GRIN2B: variants seen among roughly 807,000 people sequenced by gnomAD.
The protein encoded by GRIN2B is glutamate ionotropic receptor NMDA type subunit 2B.
GRIN2B carries 5 observed loss-of-function variants against 114.5 expected under a neutral mutation model. The observed-to-expected ratio is 0.04, with a 90% CI of 0.02 to 0.09. The LOEUF (loss-of-function observed/expected upper bound fraction) is 0.09. Among genes scored for constraint, GRIN2B ranks in the 10% least tolerant of loss-of-function variants. The pLI, the probability that GRIN2B is intolerant of heterozygous loss-of-function variation, is 1.00. For missense variants in GRIN2B, 1,108 were observed against 1,943.5 expected (o/e 0.57, Z 8.08); for synonymous variants, 787 against 745.1 (o/e 1.06, Z -0.92).
chr12:13,561,832 C>G lies in GRIN2B; in HGVS notation c.*951G>C, dbSNP rs886049094. 2.0e-5 allele frequency: 3 copies of G among 152,594 alleles called. No individual in the cohort carries two copies. Among genetic ancestry groups the G allele is most frequent in the Non-Finnish European group, 1.5e-5 (1 of 68,038 alleles). The allele number at this position is 152,594 out of a possible 1,614,324, so 9.5% of individuals were successfully genotyped here. On this transcript the variant is annotated 3_prime_UTR_variant, in exon 14 of 14. Coordinates refer to ENST00000609686, the MANE Select transcript of GRIN2B (RefSeq NM_000834.5). ...TGCTCACCGCCTTTTTTTGTTTAGA[C>G]CACAGAATCTTCTTTATCAAGAATT... is the stretch of plus-strand genomic sequence containing the variant.
intron 2 of GRIN2B, among the ~76,000 whole-genome samples, chr12:13,923,335 A>G (rs1442707500): frequency 6.6e-6 from 1 of 152,260 alleles, no homozygotes; most frequent in East Asian, 1.9e-4. Context: ...CTGGAAAAAA[A>G]GAAATGTATT....
intron 10 of GRIN2B, among the ~76,000 whole-genome samples, chr12:13,608,052 GCAGCCCATTCAT>G (rs973977775): frequency 6.6e-6 from 1 of 152,184 alleles, no homozygotes; most frequent in Non-Finnish European, 1.5e-5. Flanking sequence ...TAGTAAGGGG[GCAGCCCATTCAT>G]CAGCACCACA....
chr12:13,652,919 C>T (rs999193729), intron 5 of GRIN2B, among the ~76,000 whole-genome samples: 8 of 152,134 alleles, frequency 5.3e-5, no homozygotes, highest in Non-Finnish European at 7.4e-5. Context: ...AGCTCCTTAG[C>T]GGGGCTTTGA....
chr12:13,911,444 C>T (rs1866625719), intron 2 of GRIN2B, among the ~76,000 whole-genome samples: 1 of 152,148 alleles, frequency 6.6e-6, no homozygotes, highest in African/African-American at 2.4e-5. Flanking sequence ...GCTCTGAGCT[C>T]ACCACTTGGC....
intron 9 of GRIN2B, 39 bp downstream of exon 9, chr12:13,611,686 A>G: frequency 6.2e-7 from 1 of 1,607,298 alleles, no homozygotes. Context: ...AATAAGGAGA[A>G]AAAAACTGGG....
At chr12:13,697,154 G>T (rs1231981035) in intron 4 of GRIN2B, among the ~76,000 whole-genome samples, 1 of 152,080 alleles carries the variant, frequency 6.6e-6, no homozygotes, top group Non-Finnish European at 1.5e-5. Flanking sequence ...CAGCAAGTTT[G>T]CTCTAAGATG....
intron 4 of GRIN2B, among the ~76,000 whole-genome samples, chr12:13,748,133 A>G (rs973008359): frequency 1.3e-5 from 2 of 152,248 alleles, no homozygotes; most frequent in Non-Finnish European, 2.9e-5. Context: ...TTCACTAAGA[A>G]AGAAGAATTT....
At chr12:13,857,031 A>T (rs1435968885) in intron 3 of GRIN2B, among the ~76,000 whole-genome samples, 1 of 152,216 alleles carries the variant, frequency 6.6e-6, no homozygotes, top group Non-Finnish European at 1.5e-5. Flanking sequence ...TAAAAGGGTC[A>T]ACAGTATTCA....
At chr12:13,784,219 G>C (rs538204609) in intron 3 of GRIN2B, among the ~76,000 whole-genome samples, 1 of 74,062 alleles carries the variant, frequency 1.4e-5, no homozygotes, top group Non-Finnish European at 2.3e-5. Flanking sequence ...GTGAGACTTC[G>C]CCTCAAAAAA....
Position 13,981,064 on chromosome 12 carries a change from C to T in GRIN2B, c.-448+278G>A, listed in dbSNP as rs543586903. Among the ~76,000 whole-genome samples the T allele has an allele frequency of 2.0e-5, 3 of 152,218 alleles. No homozygotes were observed. In the East Asian group the frequency reaches 5.8e-4, roughly 30 times the overall value. On this transcript the variant is annotated intron_variant, in intron 1 of 13. Transcript: ENST00000609686. ...GATGGGCTCGGCGCGTGGGTCCGGC[C>T]CGGGGCGCCGCTGCCCTGCCCCTCT...
chr12:13,707,472 C>T (rs1302804648), intron 4 of GRIN2B, among the ~76,000 whole-genome samples: 1 of 151,950 alleles, frequency 6.6e-6, no homozygotes, highest in African/African-American at 2.4e-5. Flanking sequence ...ATAGAGATGC[C>T]CATTTGCTAT....
At chr12:13,885,751 C>G (rs1230977469) in intron 2 of GRIN2B, among the ~76,000 whole-genome samples, 1 of 152,202 alleles carries the variant, frequency 6.6e-6, no homozygotes, top group Non-Finnish European at 1.5e-5. Context: ...CATAAACTGA[C>G]TTTCAGAATA....
At position 13,560,295 on chromosome 12, in the gene GRIN2B, C is replaced by T. The variant is rs1233278845; in HGVS notation, c.*2488G>A. The T allele has an allele frequency of 2.6e-5, 4 of 152,114 alleles. No individual in the cohort carries two copies. The highest frequency in any genetic ancestry group is 5.9e-5 in the Non-Finnish European group (4 of 68,016). 9.4% of individuals were successfully genotyped at this position (152,114 alleles called of 1,614,324 possible). Reference sequence around the variant, plus strand: ...CCCAATGGGAAATGAAAACCCATAACAAAACACTTTTTCCCTCTCATTCCC... The same window carrying T: ...CCCAATGGGAAATGAAAACCCATAATAAAACACTTTTTCCCTCTCATTCCC... On this transcript the variant is annotated 3_prime_UTR_variant, in exon 14 of 14. Coordinates refer to ENST00000609686, the MANE Select transcript of GRIN2B (RefSeq NM_000834.5).
At chr12:13,814,840 T>C (rs188954984) in intron 3 of GRIN2B, among the ~76,000 whole-genome samples, 22 of 152,348 alleles carry the variant, frequency 1.4e-4, no homozygotes, top group Admixed American at 9.1e-4. Context: ...TAGTGGCTAC[T>C]GTACTGGTCA....
intron 3 of GRIN2B, among the ~76,000 whole-genome samples, chr12:13,858,697 CTA>C (rs1865703650): frequency 6.6e-6 from 1 of 152,276 alleles, no homozygotes; most frequent in East Asian, 1.9e-4. Context: ...ACTTCCAAAT[CTA>C]TGAGTGACTC....
At chr12:13,921,767 C>A (rs1016032497) in intron 2 of GRIN2B, among the ~76,000 whole-genome samples, 1 of 152,084 alleles carries the variant, frequency 6.6e-6, no homozygotes, top group Admixed American at 6.6e-5. Flanking sequence ...AGGGAAGACA[C>A]CATGTCTAAT....
intron 3 of GRIN2B, among the ~76,000 whole-genome samples, chr12:13,756,476 G>A (rs746572427): frequency 6.6e-6 from 1 of 152,192 alleles, no homozygotes; most frequent in Non-Finnish European, 1.5e-5. Flanking sequence ...CCCTAGAATA[G>A]CTGTCACTTT....
At chr12:13,825,496 T>TTTTGTGTGTGTGTG (rs375940899) in intron 3 of GRIN2B, among the ~76,000 whole-genome samples, 23 of 122,966 alleles carry the variant, frequency 1.9e-4, no homozygotes, top group African/African-American at 5.9e-4. Flanking sequence ...TATATATATT[T>TTTTGTGTGTGTGTG]TGTGTGTGTG....
At chr12:13,614,793 C>T (rs1298773111) in intron 8 of GRIN2B, among the ~76,000 whole-genome samples, 1 of 152,150 alleles carries the variant, frequency 6.6e-6, no homozygotes, top group African/African-American at 2.4e-5. Flanking sequence ...GATGAGGAAA[C>T]CAAGTCCCCA....
Sources: gnomAD v4.1 joint callset for allele counts (sites outside exome capture counted in the v4.1 genomes callset) on GRCh38, gnomAD v4.1.1 for gene constraint, MANE v1.5 for transcripts, NCBI Gene and HGNC (gene_info 2026-07-23, HGNC 2026-07-21) for gene names.